A2M: variants seen among roughly 807,000 people sequenced by gnomAD.
The protein encoded by A2M is C3 and PZP-like alpha-2-macroglobulin domain-containing protein 5.
A neutral mutation model predicts 183.9 loss-of-function variants in A2M; 128 were observed. The ratio of observed to expected loss-of-function variants is 0.70; its 90% CI spans 0.60 to 0.81. The LOEUF (loss-of-function observed/expected upper bound fraction) is 0.81, where lower values mean the gene tolerates loss of function less well. A2M is among the 30% of genes least tolerant of loss of function. The pLI, the probability that A2M is intolerant of heterozygous loss-of-function variation, is 0.00. For missense variants in A2M, 1,495 were observed against 1,787.6 expected, an observed-to-expected ratio of 0.84 and a Z score of 2.95; for synonymous variants, 592 against 670.8, an observed-to-expected ratio of 0.88 and a Z score of 1.81.
At position 9,069,833 on chromosome 12, in the gene A2M, C is replaced by T. The variant is rs1219544452; in HGVS notation, c.4195-20G>A. The T allele has an allele frequency of 1.2e-6, 2 of 1,610,980 alleles. No individual in the cohort carries two copies. Among genetic ancestry groups the T allele is most frequent in the Non-Finnish European group, 1.7e-6 (2 of 1,177,640 alleles). On this transcript the variant is annotated intron_variant, in intron 32 of 35. Transcript: ENST00000318602. ...TTCAAGCTGAAGAAAATTGAAATAC[C>T]ACAAATGTTAATAAATAGATGAAAC...
intron 11 of A2M, 128 bp downstream of exon 11, chr12:9,104,111 T>C: frequency 2.2e-6 from 2 of 919,132 alleles, no homozygotes; most frequent in East Asian, 5.6e-5. Flanking sequence ...TAACCTTCAA[T>C]CGGTTTCTAA....
chr12:9,093,475 C>T lies in A2M; in HGVS notation c.2230G>A (p.Val744Met). 1 of 1,613,500 alleles carries T rather than the reference C, an allele frequency of 6.2e-7. No homozygotes were observed. The highest frequency in any genetic ancestry group is 1.7e-5 in the Admixed American group (1 of 60,022). The change falls in exon 18 of 36, where the codon GTG becomes ATG. Residue 744 changes from valine (V) to methionine (M), a missense_variant. By Grantham distance (21) the Val-to-Met change is conservative (BLOSUM62 1). Transcript: ENST00000318602. ...YFPETWIWDLVVVNSAGVAEV... is the reference protein window; with the variant it reads ...YFPETWIWDLMVVNSAGVAEV... Reference sequence around the variant, plus strand: ...CAGGAAGTTACTTACTTTACCACCACCAAATCCCAGATCCATGTCTCAGGG... The same window carrying T: ...CAGGAAGTTACTTACTTTACCACCATCAAATCCCAGATCCATGTCTCAGGG...
chr12:9,108,638 G>A (rs1458618467), intron 7 of A2M, among the ~76,000 whole-genome samples: 1 of 152,200 alleles, frequency 6.6e-6, no homozygotes, highest in Non-Finnish European at 1.5e-5. Flanking sequence ...TATTACATGT[G>A]TGATCTTTGG....
intron 4 of A2M, among the ~76,000 whole-genome samples, chr12:9,111,239 C>T (rs1453534884): frequency 3.9e-5 from 6 of 152,076 alleles, no homozygotes; most frequent in Non-Finnish European, 7.4e-5. Flanking sequence ...AATATAACCA[C>T]GCACAAAAGA....
At position 9,076,917 on chromosome 12, in the gene A2M, G is replaced by A. The variant is rs1948764599; in HGVS notation, c.3371C>T (p.Ala1124Val). ...LTVTHPVVRNALFCLESAWKT... is the reference protein window; with the variant it reads ...LTVTHPVVRNVLFCLESAWKT... ...CCAGGCTGACTCCAGGCAAAACAGGGCATTGCGGACAACAGGGTGCTGTGA... is the reference window on the plus strand; with the variant it reads ...CCAGGCTGACTCCAGGCAAAACAGGACATTGCGGACAACAGGGTGCTGTGA... Residue 1124 changes from alanine to valine, a missense_variant, in exon 28 of 36, where the codon GCC becomes GTC. Ala to Val is a moderately conservative substitution (Grantham distance 64). Coordinates refer to ENST00000318602, the MANE Select transcript of A2M (RefSeq NM_000014.6). The A allele has an allele frequency of 1.2e-6, 2 of 1,602,424 alleles. No individual in the cohort carries two copies. Among genetic ancestry groups the A allele is most frequent in the East Asian group, 4.5e-5 (2 of 44,748 alleles).
At position 9,113,439 on chromosome 12, in the gene A2M, A is replaced by G. The variant is rs753600683; in HGVS notation, c.191T>C (p.Leu64Ser). ...LNETVTVSAS[L>S]ESVRGNRSLF... The stretch of plus-strand genomic sequence containing the variant: ...GCTCCTGTTTCCCCTGACAGACTCC[A>G]AGGAAGCACTTACAGTCACTGTCTC... The change falls in exon 2 of 36, where the codon TTG (leucine) becomes TCG (serine). Residue 64 changes from leucine (L) to serine (S), a missense_variant. Coordinates refer to ENST00000318602, the MANE Select transcript of A2M (RefSeq NM_000014.6). 2.5e-6 allele frequency: 4 copies of G among 1,613,770 alleles called. No homozygotes were observed. The highest frequency in any genetic ancestry group is 2.5e-6 in the Non-Finnish European group (3 of 1,179,952).
In A2M at chr12:9,110,017, T is replaced by C. The variant is rs1318950210; in HGVS notation, c.523A>G (p.Ile175Val). Residue 175 changes from isoleucine to valine, a missense_variant, in exon 6 of 36, where the codon ATC becomes GTC. Ile to Val is a conservative substitution (Grantham distance 29). Coordinates refer to ENST00000318602, the MANE Select transcript of A2M (RefSeq NM_000014.6). ...AACTGGAAACTCTGCCATTGTGCGA[T>C]GCGATTTCCTTTGGGATCCTATATG... The part of the protein sequence containing the change: ...VYIQDPKGNR[I>V]AQWQSFQLEG... 1.2e-6 allele frequency: 2 copies of C among 1,611,740 alleles called. No individual in the cohort carries two copies. The highest frequency in any genetic ancestry group is 1.3e-5 in the African/African-American group (1 of 74,766).
rs774999211 is a variant in A2M, at chr12:9,098,607, C to T, written c.1851G>A (p.Ser617=). 14 of 1,595,270 alleles carry T rather than the reference C, an allele frequency of 8.8e-6. No individual in the cohort carries two copies. Among genetic ancestry groups the T allele is most frequent in the African/African-American group, 5.4e-5 (4 of 74,560 alleles). ...MKPDAELSAS[S]VYNLLPEKDL... ...ATTCCTGAGGCTGCCAGGAACTCACCGAGGACGCCGAGAGCTCAGCATCAG... is the reference window on the plus strand; with the variant it reads ...ATTCCTGAGGCTGCCAGGAACTCACTGAGGACGCCGAGAGCTCAGCATCAG... The change falls in exon 15 of 36, where the codon TCG becomes TCA. Residue 617 remains serine, a splice_region_variant and synonymous_variant. Coordinates refer to ENST00000318602, the MANE Select transcript of A2M (RefSeq NM_000014.6).
intron 19 of A2M, among the ~76,000 whole-genome samples, 184 bp downstream of exon 19, chr12:9,091,017 T>C (rs1335110040): frequency 6.6e-6 from 1 of 152,154 alleles, no homozygotes; most frequent in Non-Finnish European, 1.5e-5. Context: ...TGAAGGGTTA[T>C]AAGGGCTAGA....
rs754181955 is a variant in A2M at position 9,099,432 on chromosome 12, G to A, written c.1650C>T (p.Asp550=). 4.5e-5 allele frequency: 71 copies of A among 1,592,550 alleles called. 1 individual carries two copies. In the South Asian group the frequency reaches 7.0e-4, roughly 16 times the overall value. Residue 550 remains aspartate, a synonymous_variant, in exon 14 of 36, where the codon GAC becomes GAT. Coordinates refer to ENST00000318602, the MANE Select transcript of A2M (RefSeq NM_000014.6). Reference sequence around the variant, plus strand: ...CATATTTTGCAGAATCCCCAATCACGTCCCCGGTAGGTAAAACAGCATAGA... The same window carrying A: ...CATATTTTGCAGAATCCCCAATCACATCCCCGGTAGGTAAAACAGCATAGA... The part of the protein sequence containing the change: ...LLIYAVLPTG[D]VIGDSAKYDV...
At chr12:9,070,410 G>C in intron 32 of A2M, 78 bp downstream of exon 32, 2 of 925,514 alleles carry the variant, frequency 2.2e-6, no homozygotes, top group Non-Finnish European at 3.4e-6. Context: ...ATAGTATTTT[G>C]ATATTAGTAT....
At chr12:9,068,538 TTAG>T (rs1441867582) in intron 34 of A2M, among the ~76,000 whole-genome samples, 199 bp downstream of exon 34, 1 of 152,192 alleles carries the variant, frequency 6.6e-6, no homozygotes, top group African/African-American at 2.4e-5. Flanking sequence ...GTGTTTTGTA[TTAG>T]TAGTTGATAA....
In A2M at chr12:9,089,811, G is replaced by A. The variant is rs958598241; in HGVS notation, c.2718+91C>T. ...AGAGAGATAGGACAGAGAGATACATGAGAATAATATTATAAAATATCCATA... is the reference window on the plus strand; with the variant it reads ...AGAGAGATAGGACAGAGAGATACATAAGAATAATATTATAAAATATCCATA... On this transcript the variant is annotated intron_variant, in intron 21 of 35. Transcript: ENST00000318602. 5 of 902,142 alleles carry A rather than the reference G, an allele frequency of 5.5e-6. No homozygotes were observed. The African/African-American group carries it at 6.9e-5, about 12-fold the overall frequency. 55.9% of individuals were successfully genotyped at this position (902,142 alleles called of 1,614,324 possible). A position where few individuals can be genotyped will look rare whatever the true frequency, so the allele number is the denominator to read the frequency against.
At chr12:9,109,142 G>A (rs144748619) in intron 7 of A2M, among the ~76,000 whole-genome samples, 179 bp downstream of exon 7, 4 of 152,054 alleles carry the variant, frequency 2.6e-5, no homozygotes, top group African/African-American at 7.2e-5. Context: ...TGATAAGAAC[G>A]TGAAAGAAAA....
At chr12:9,100,849 T>C (rs1272742655) in intron 13 of A2M, among the ~76,000 whole-genome samples, 1 of 151,832 alleles carries the variant, frequency 6.6e-6, no homozygotes, top group Non-Finnish European at 1.5e-5. Flanking sequence ...GGAGCTAAGT[T>C]ATGAGGATGC....
chr12:9,085,190 A>G (rs1353016286), intron 22 of A2M, among the ~76,000 whole-genome samples: 5 of 152,112 alleles, frequency 3.3e-5, no homozygotes, highest in Non-Finnish European at 5.9e-5. Flanking sequence ...CCTAATGGAT[A>G]CATACAGAAC....
intron 13 of A2M, 149 bp from the exon 14 acceptor site, chr12:9,099,672 T>A: frequency 1.1e-6 from 1 of 949,094 alleles, no homozygotes; most frequent in East Asian, 2.7e-5. Context: ...ATCAAAGCCC[T>A]CTCTCCTCTC....
At chr12:9,084,655 G>T (rs772193684) in intron 22 of A2M, among the ~76,000 whole-genome samples, 1 of 151,962 alleles carries the variant, frequency 6.6e-6, no homozygotes, top group African/African-American at 2.4e-5. Flanking sequence ...CAACAAAATG[G>T]TAGTACCAAG....
intron 22 of A2M, chr12:9,080,507 A>G (rs1948878938): frequency 5.8e-6 from 1 of 171,860 alleles, no homozygotes; most frequent in African/African-American, 2.4e-5. Flanking sequence ...AAGATGATCT[A>G]TTTAGTTCCC....
Sources: allele counts gnomAD v4.1 joint callset (sites outside exome capture counted in the v4.1 genomes callset), GRCh38; gene constraint gnomAD v4.1.1; transcripts MANE v1.5; gene names NCBI Gene and HGNC (gene_info 2026-07-23, HGNC 2026-07-21).